SDHAF3: variants seen among roughly 807,000 people sequenced by gnomAD.
SDHAF3 encodes the protein succinate dehydrogenase complex assembly factor 3, also known as succinate dehydrogenase assembly factor 3, mitochondrial.
In SDHAF3, 18 loss-of-function variants were observed where a neutral mutation model predicts 11.5. That is an observed-to-expected ratio of 1.56 (90% CI 1.08 to 2.32). SDHAF3 has a LOEUF of 2.32. Among genes scored for constraint, SDHAF3 ranks in the 30% most tolerant of loss-of-function variants. SDHAF3 has a pLI of 0.00. For missense variants in SDHAF3, 200 were observed against 154.4 expected, an observed-to-expected ratio of 1.30 and a Z score of -1.57; for synonymous variants, 72 against 59.3, an observed-to-expected ratio of 1.21 and a Z score of -0.99.
chr7:97,150,693 A>G (rs1458828573), intron 1 of SDHAF3, among the ~76,000 whole-genome samples: 1 of 150,562 alleles, frequency 6.6e-6, no homozygotes, highest in Non-Finnish European at 1.5e-5. Flanking sequence ...CCTCCCGAGT[A>G]GCTGGGACTA....
chr7:97,155,986 AGTATGGTACGT>A (rs1789295660), intron 1 of SDHAF3, among the ~76,000 whole-genome samples: 1 of 152,142 alleles, frequency 6.6e-6, no homozygotes, highest in African/African-American at 2.4e-5. Context: ...TTTTTTAAAA[AGTATGGTACGT>A]GTGTCATAAC....
intron 1 of SDHAF3, among the ~76,000 whole-genome samples, chr7:97,131,048 A>G (rs1434374535): frequency 6.6e-6 from 1 of 152,192 alleles, no homozygotes; most frequent in Non-Finnish European, 1.5e-5. Context: ...CTGCCTAGGA[A>G]TTTGTCTGTC....
At position 97,181,452 on chromosome 7, in the gene SDHAF3, G is replaced by C; in HGVS notation, c.*237G>C. 1 of 343,052 alleles carries C rather than the reference G, an allele frequency of 2.9e-6. No individual in the cohort carries two copies. The allele number at this position is 343,052 out of a possible 1,614,324, so 21.3% of individuals were successfully genotyped here. On this transcript the variant is annotated 3_prime_UTR_variant, in exon 2 of 2. Coordinates refer to ENST00000432641, the MANE Select transcript of SDHAF3 (RefSeq NM_020186.3). The stretch of plus-strand genomic sequence containing the variant: ...TTTGGAACTAAACAGCAAATTTCTA[G>C]AATTTTGCTGAAAATGTTTTAAAAT...
intron 1 of SDHAF3, among the ~76,000 whole-genome samples, chr7:97,151,646 T>C (rs551906365): frequency 7.2e-5 from 11 of 151,898 alleles, no homozygotes; most frequent in Admixed American, 5.2e-4. Flanking sequence ...CTACAGGCGC[T>C]TGCCACCATG....
At chr7:97,144,849 G>A (rs1789111867) in intron 1 of SDHAF3, among the ~76,000 whole-genome samples, 1 of 151,578 alleles carries the variant, frequency 6.6e-6, no homozygotes, top group East Asian at 1.9e-4. Context: ...AAGAATGATG[G>A]TGATATTTTG....
chr7:97,181,292 T>G lies in SDHAF3; in HGVS notation c.*77T>G, dbSNP rs1789770934. 1 of 1,129,384 alleles carries G rather than the reference T, an allele frequency of 8.9e-7. No individual in the cohort carries two copies. The allele number at this position is 1,129,384 out of a possible 1,614,324, so 70.0% of individuals were successfully genotyped here. On this transcript the variant is annotated 3_prime_UTR_variant, in exon 2 of 2. Coordinates refer to ENST00000432641, the MANE Select transcript of SDHAF3 (RefSeq NM_020186.3). ...AACTGTCATTGGTTTTTGAAATATA[T>G]TTAAGCTTTGAAAACACCTGTTATT...
intron 1 of SDHAF3, among the ~76,000 whole-genome samples, chr7:97,160,711 A>G (rs1789395493): frequency 6.6e-6 from 1 of 152,364 alleles, no homozygotes; most frequent in African/African-American, 2.4e-5. Flanking sequence ...AGAGGTGGTC[A>G]GACTTGAGAT....
Position 97,117,804 on chromosome 7 carries a change from C to T in SDHAF3, c.81C>T (p.Leu27=), listed in dbSNP as rs772290047. 10 of 1,614,200 alleles carry T rather than the reference C, an allele frequency of 6.2e-6. No individual in the cohort carries two copies. In the East Asian group the frequency reaches 1.8e-4, roughly 29 times the overall value. The part of the protein sequence containing the change: ...LQLHRVLPPD[L]KSLGDQYVKD... The stretch of plus-strand genomic sequence containing the variant: ...TGCACCGTGTTCTGCCCCCGGACCT[C>T]AAATCCCTGGGCGACCAGTACGTGA... Residue 27 remains leucine (L), a synonymous_variant, in exon 1 of 2, where the codon CTC becomes CTT. Transcript: ENST00000432641.
chr7:97,177,499 C>T (rs954857715), intron 1 of SDHAF3, among the ~76,000 whole-genome samples: 8 of 151,280 alleles, frequency 5.3e-5, no homozygotes, highest in African/African-American at 1.9e-4. Context: ...GAGACTCCGT[C>T]TCAAAAAAAA....
chr7:97,144,784 G>A (rs561350507), intron 1 of SDHAF3, among the ~76,000 whole-genome samples: 2 of 152,264 alleles, frequency 1.3e-5, no homozygotes, highest in South Asian at 2.1e-4. Context: ...CTTTGGCTAT[G>A]TGGGCTCTTC....
intron 1 of SDHAF3, among the ~76,000 whole-genome samples, chr7:97,168,659 C>T (rs934983938): frequency 3.3e-5 from 5 of 152,164 alleles, no homozygotes; most frequent in African/African-American, 1.2e-4. Context: ...GACACCTGCT[C>T]TAACTTCTTC....
At chr7:97,169,886 C>T (rs922628916) in intron 1 of SDHAF3, among the ~76,000 whole-genome samples, 1 of 151,946 alleles carries the variant, frequency 6.6e-6, no homozygotes, top group Non-Finnish European at 1.5e-5. Context: ...AGAATTTTTT[C>T]AAAAGCCTTT....
chr7:97,137,354 G>T (rs975391317), intron 1 of SDHAF3, among the ~76,000 whole-genome samples: 3 of 152,176 alleles, frequency 2.0e-5, no homozygotes, highest in South Asian at 2.1e-4. Context: ...AGCTATATTT[G>T]TCCATGACCT....
intron 1 of SDHAF3, among the ~76,000 whole-genome samples, chr7:97,139,935 C>T (rs1188704825): frequency 1.3e-5 from 2 of 152,178 alleles, no homozygotes; most frequent in African/African-American, 4.8e-5. Context: ...TGCCTTTAGT[C>T]TCTTTTAACT....
intron 1 of SDHAF3, chr7:97,135,391 A>T (rs1791736560): frequency 6.6e-6 from 1 of 152,028 alleles, no homozygotes; most frequent in Non-Finnish European, 1.5e-5. Context: ...CATCAAATTT[A>T]GATTCCTTTC....
intron 1 of SDHAF3, among the ~76,000 whole-genome samples, chr7:97,176,329 A>G (rs1474191797): frequency 3.3e-5 from 5 of 152,196 alleles, no homozygotes; most frequent in African/African-American, 1.2e-4. Context: ...CAAGAGAGCA[A>G]TCATAGGGAA....
chr7:97,159,857 A>C (rs975435683), intron 1 of SDHAF3, among the ~76,000 whole-genome samples: 1 of 152,172 alleles, frequency 6.6e-6, no homozygotes, highest in Non-Finnish European at 1.5e-5. Context: ...TGGTTCTGAC[A>C]GTATTTGCCA....
chr7:97,146,504 G>A (rs1789137227), intron 1 of SDHAF3, among the ~76,000 whole-genome samples: 1 of 152,000 alleles, frequency 6.6e-6, no homozygotes. Flanking sequence ...TAAAATAATT[G>A]TTCTTGAGAC....
intron 1 of SDHAF3, among the ~76,000 whole-genome samples, chr7:97,142,220 AT>A (rs1789060775): frequency 1.3e-5 from 2 of 151,216 alleles, no homozygotes; most frequent in African/African-American, 4.9e-5. Context: ...CGCCTAGCTA[AT>A]TTTTTGTATT....
Sources: allele counts gnomAD v4.1 joint callset (sites outside exome capture counted in the v4.1 genomes callset), GRCh38; gene constraint gnomAD v4.1.1; transcripts MANE v1.5; gene names NCBI Gene and HGNC (gene_info 2026-07-23, HGNC 2026-07-21).